Variants in NTN1 observed in about 807,000 individuals in gnomAD.
The protein encoded by NTN1 is netrin-1.
NTN1 carries 11 observed loss-of-function variants against 54.2 expected under a neutral mutation model. The observed-to-expected ratio is 0.20, with a 90% CI of 0.13 to 0.34. NTN1 has a LOEUF of 0.34. NTN1 is among the 10% of genes least tolerant of loss of function. The probability of loss-of-function intolerance (pLI) is 1.00; values close to 1 mark genes in which losing one functional copy is unlikely to be tolerated. For synonymous variants in NTN1, 371 were observed against 382.0 expected (o/e 0.97, Z 0.33); for missense variants, 740 against 893.1 (o/e 0.83, Z 2.18).
At chr17:9,046,114 T>C (rs909642004) in intron 2 of NTN1, among the ~76,000 whole-genome samples, 1 of 152,148 alleles carries the variant, frequency 6.6e-6, no homozygotes, top group African/African-American at 2.4e-5. Flanking sequence ...AGACAACCCA[T>C]GGGATGGGGG....
At chr17:9,156,550 T>C (rs531485731) in intron 2 of NTN1, among the ~76,000 whole-genome samples, 2 of 152,304 alleles carry the variant, frequency 1.3e-5, no homozygotes, top group East Asian at 3.9e-4. Flanking sequence ...CTGATGGGAT[T>C]GAGAGTAAGT....
intron 2 of NTN1, among the ~76,000 whole-genome samples, chr17:9,145,035 G>A (rs781303757): frequency 6.6e-6 from 1 of 152,246 alleles, no homozygotes; most frequent in Non-Finnish European, 1.5e-5. Flanking sequence ...GGCGAGGACA[G>A]TGCGCCACCC....
intron 2 of NTN1, among the ~76,000 whole-genome samples, chr17:9,062,164 A>G (rs942821458): frequency 7.2e-5 from 11 of 152,164 alleles, no homozygotes; most frequent in Non-Finnish European, 1.5e-4. Flanking sequence ...ACTGCCAACA[A>G]AAAATCTTTC....
intron 2 of NTN1, among the ~76,000 whole-genome samples, chr17:9,048,222 A>G (rs745340382): frequency 6.6e-6 from 1 of 152,220 alleles, no homozygotes; most frequent in Non-Finnish European, 1.5e-5. Flanking sequence ...GTTAGCAGGC[A>G]TGAAAACAAC....
At chr17:9,226,120 C>T (rs1288520823) in intron 6 of NTN1, among the ~76,000 whole-genome samples, 2 of 130,602 alleles carry the variant, frequency 1.5e-5, no homozygotes, top group African/African-American at 3.0e-5. Context: ...GCCCAGCTCC[C>T]GTAGGCTTAA....
chr17:9,059,376 G>A (rs969066593), intron 2 of NTN1, among the ~76,000 whole-genome samples: 3 of 152,180 alleles, frequency 2.0e-5, no homozygotes, highest in Non-Finnish European at 4.4e-5. Flanking sequence ...GAATGCTCAT[G>A]GCAACATTAT....
At chr17:9,197,313 G>A (rs1454423405) in intron 5 of NTN1, among the ~76,000 whole-genome samples, 7 of 152,036 alleles carry the variant, frequency 4.6e-5, no homozygotes, top group Admixed American at 4.6e-4. Flanking sequence ...AGGAAGCTAT[G>A]GAGTGACACA....
At chr17:9,197,912 A>G (rs1422850350) in intron 5 of NTN1, among the ~76,000 whole-genome samples, 2 of 152,232 alleles carry the variant, frequency 1.3e-5, no homozygotes, top group Non-Finnish European at 2.9e-5. Flanking sequence ...CCTTCACAGT[A>G]GCTTCTATCT....
Position 9,182,955 on chromosome 17 carries a change from T to G in NTN1, c.1397T>G (p.Val466Gly). 6.2e-7 allele frequency: 1 copy of G among 1,613,730 alleles called. No individual in the cohort carries two copies. Among genetic ancestry groups the G allele is most frequent in the Non-Finnish European group, 8.5e-7 (1 of 1,179,938 alleles). The change falls in exon 5 of 7, where the codon GTG becomes GGG. Residue 466 changes from valine (V) to glycine (G), a missense_variant. Val to Gly is a moderately radical substitution (Grantham distance 109, BLOSUM62 -3). Transcript: ENST00000173229. ...VAPPTTAASS[V>G]EEPEDCDSYC... is the part of the protein sequence containing the mutation. Reference sequence around the variant, plus strand: ...CCGCCGACGACTGCAGCCAGCAGCGTGGAGGAGCCTGAAGGTAAACGGCCC... The same window carrying G: ...CCGCCGACGACTGCAGCCAGCAGCGGGGAGGAGCCTGAAGGTAAACGGCCC...
intron 2 of NTN1, among the ~76,000 whole-genome samples, chr17:9,093,222 C>A (rs1272759639): frequency 1.3e-5 from 2 of 152,208 alleles, no homozygotes; most frequent in Non-Finnish European, 2.9e-5. Context: ...ATCCATTCAT[C>A]CATCCATGGA....
At chr17:9,213,009 C>T (rs1038242077) in intron 5 of NTN1, among the ~76,000 whole-genome samples, 4 of 152,224 alleles carry the variant, frequency 2.6e-5, no homozygotes, top group Non-Finnish European at 5.9e-5. Flanking sequence ...GAGGGGCCAG[C>T]TACCCAAGGT....
At chr17:9,066,256 C>CA (rs11394779) in intron 2 of NTN1, among the ~76,000 whole-genome samples, 25,823 of 151,660 alleles carry the variant, frequency 0.17, 2,504 homozygotes, top group African/African-American at 0.23. Context: ...ACTTCGTCTC[C>CA]AAAAAATAAA....
intron 3 of NTN1, chr17:9,176,998 T>G (rs1184179357): frequency 6.6e-6 from 1 of 152,284 alleles, no homozygotes; most frequent in African/African-American, 2.4e-5. Flanking sequence ...ACGGGGCAGC[T>G]ACTGCTGAAG....
Position 9,221,147 on chromosome 17 carries a change from T to TCC in NTN1, c.1412-14_1412-13dup, listed in dbSNP as rs113893303. On this transcript the variant is annotated intron_variant, in intron 5 of 6. Coordinates refer to ENST00000173229, the MANE Select transcript of NTN1 (RefSeq NM_004822.3). The surrounding 1 kb of genome is among the most constrained non-coding windows in gnomAD (Gnocchi z 4.5). The stretch of plus-strand genomic sequence containing the variant: ...CAGCCTAATTAGTTTTTGTCTGTGC[T>TCC]CCCCCCCCACCCCCCTGCAGACTGC... 2.4e-4 allele frequency: 316 copies of TCC among 1,304,056 alleles called. 1 individual carries two copies. Among genetic ancestry groups the TCC allele is most frequent in the African/African-American group, 1.8e-3 (106 of 57,886 alleles). 80.8% of individuals were successfully genotyped at this position (1,304,056 alleles called of 1,614,324 possible).
At chr17:9,184,051 G>A (rs1448416036) in intron 5 of NTN1, among the ~76,000 whole-genome samples, 1 of 152,336 alleles carries the variant, frequency 6.6e-6, no homozygotes, top group Non-Finnish European at 1.5e-5. Context: ...GGACTGTAGC[G>A]AGGGATGGGG....
intron 6 of NTN1, among the ~76,000 whole-genome samples, chr17:9,235,414 C>T (rs1350916257): frequency 4.6e-5 from 7 of 152,222 alleles, no homozygotes; most frequent in Non-Finnish European, 8.8e-5. Context: ...TTGTTGAAGA[C>T]AACTTTTAGG....
At chr17:9,194,007 G>C (rs1431794776) in intron 5 of NTN1, among the ~76,000 whole-genome samples, 1 of 149,964 alleles carries the variant, frequency 6.7e-6, no homozygotes, top group African/African-American at 2.5e-5. Flanking sequence ...AGGCCAAGGT[G>C]GGCAGATCAC....
chr17:9,141,968 G>C (rs572216278), intron 2 of NTN1, among the ~76,000 whole-genome samples: 3 of 152,214 alleles, frequency 2.0e-5, no homozygotes, highest in African/African-American at 7.2e-5. Context: ...GTGAAACCCT[G>C]TCTCTACTAA....
At chr17:9,154,236 C>T (rs886143916) in intron 2 of NTN1, among the ~76,000 whole-genome samples, 1 of 152,196 alleles carries the variant, frequency 6.6e-6, no homozygotes, top group African/African-American at 2.4e-5. Context: ...GTATTTCCAC[C>T]GACCCTGCCA....
Sources: gnomAD v4.1 joint callset for allele counts (sites outside exome capture counted in the v4.1 genomes callset) on GRCh38, gnomAD v4.1.1 for gene constraint, Gnocchi (gnomAD v3.1) non-coding constraint, MANE v1.5 for transcripts, NCBI Gene and HGNC (gene_info 2026-07-23, HGNC 2026-07-21) for gene names.